CDCP1: variants seen among roughly 807,000 people sequenced by gnomAD.
The protein encoded by CDCP1 is CUB domain containing protein 1.
A neutral mutation model predicts 60.2 loss-of-function variants in CDCP1; 29 were observed. The observed-to-expected ratio is 0.48, with a 90% CI of 0.36 to 0.66. CDCP1 has a LOEUF of 0.66. CDCP1 is among the 30% of genes least tolerant of loss of function. CDCP1 has a pLI of 0.00. For synonymous variants in CDCP1, 387 were observed against 431.1 expected (o/e 0.90, Z 1.27); for missense variants, 876 against 1,074.3 (o/e 0.82, Z 2.58).
rs1698133975 is a variant in CDCP1, at chr3:45,083,337, A to G, written c.*2301T>C. On this transcript the variant is annotated 3_prime_UTR_variant, in exon 9 of 9. Transcript: ENST00000296129. ...GCCAAGGGCATGACTTAAATATCCT[A>G]TCCTCTGGAAAGTGTTCAAGAGGTC... is the stretch of plus-strand genomic sequence containing the variant. 1 of 152,222 alleles carries G rather than the reference A, an allele frequency of 6.6e-6. No individual in the cohort carries two copies. The highest frequency in any genetic ancestry group is 1.5e-5 in the Non-Finnish European group (1 of 68,038). The allele number at this position is 152,222 out of a possible 1,614,324, so 9.4% of individuals were successfully genotyped here.
rs1446707222 is a variant in CDCP1 at position 45,110,510 on chromosome 3, C to T, written c.987G>A (p.Gln329=). 6.2e-7 allele frequency: 1 copy of T among 1,614,220 alleles called. No homozygotes were observed. Among genetic ancestry groups the T allele is most frequent in the Admixed American group, 1.7e-5 (1 of 60,026 alleles). The part of the protein sequence containing the change: ...DAQSPGILRL[Q]FQVLVQHPQN... ...GTGGATGTTGGACCAAAACTTGGAACTGCAGCCGGAGGATCCCTGGACTTT... is the reference window on the plus strand; with the variant it reads ...GTGGATGTTGGACCAAAACTTGGAATTGCAGCCGGAGGATCCCTGGACTTT... Residue 329 remains glutamine (Q), a synonymous_variant, in exon 4 of 9, where the codon CAG becomes CAA. Coordinates refer to ENST00000296129, the MANE Select transcript of CDCP1 (RefSeq NM_022842.5).
At chr3:45,132,162 G>A (rs564881157) in intron 1 of CDCP1, among the ~76,000 whole-genome samples, 3 of 151,802 alleles carry the variant, frequency 2.0e-5, no homozygotes, top group South Asian at 2.1e-4. Context: ...CTTGAGCCCC[G>A]GAGGCAGAGG....
intron 4 of CDCP1, among the ~76,000 whole-genome samples, chr3:45,105,644 A>G (rs537421529): frequency 6.6e-6 from 1 of 152,362 alleles, no homozygotes; most frequent in Non-Finnish European, 1.5e-5. Context: ...CTAGTAGGCT[A>G]GAAGGCTCTC....
intron 2 of CDCP1, among the ~76,000 whole-genome samples, chr3:45,114,566 T>G (rs1698753741): frequency 6.6e-6 from 1 of 152,020 alleles, no homozygotes; most frequent in Non-Finnish European, 1.5e-5. Flanking sequence ...AGGTGTGTGC[T>G]GCCATGCCTG....
At chr3:45,112,665 CCTTGAACCAGAA>C in intron 2 of CDCP1, among the ~76,000 whole-genome samples, 1 of 152,206 alleles carries the variant, frequency 6.6e-6, no homozygotes, top group Admixed American at 6.5e-5. Flanking sequence ...GGGGGAGCTG[CCTTGAACCAGAA>C]AAGCCTGAGA....
intron 4 of CDCP1, among the ~76,000 whole-genome samples, chr3:45,108,216 A>G (rs5007171): frequency 0.25 from 37,840 of 151,964 alleles, 5,473 homozygotes; most frequent in East Asian, 0.58. Flanking sequence ...TAGGGTCCAC[A>G]TAGAGGTTCA....
chr3:45,122,024 A>G (rs1396596166), intron 1 of CDCP1, among the ~76,000 whole-genome samples: 1 of 152,202 alleles, frequency 6.6e-6, no homozygotes, highest in Non-Finnish European at 1.5e-5. Flanking sequence ...AGCTGATCTC[A>G]CCAAAATCTC....
chr3:45,104,602 G>A (rs1469675848), intron 4 of CDCP1, among the ~76,000 whole-genome samples: 1 of 152,186 alleles, frequency 6.6e-6, no homozygotes, highest in Non-Finnish European at 1.5e-5. Context: ...ACAACATGGG[G>A]GGAAGGAGGA....
intron 2 of CDCP1, among the ~76,000 whole-genome samples, chr3:45,115,406 AGT>A (rs1490737343): frequency 6.6e-6 from 1 of 152,168 alleles, no homozygotes; most frequent in East Asian, 1.9e-4. Flanking sequence ...CATGTATGTA[AGT>A]GTGCATGTGC....
intron 1 of CDCP1, among the ~76,000 whole-genome samples, chr3:45,137,374 G>A (rs980541820): frequency 2.0e-5 from 3 of 152,176 alleles, no homozygotes; most frequent in Non-Finnish European, 4.4e-5. Flanking sequence ...AGTATTCCAG[G>A]TTCCTGCCTG....
rs776178232 is a variant in CDCP1, at chr3:45,118,641, T to C, written c.83-20A>G. The C allele has an allele frequency of 1.2e-6, 2 of 1,607,590 alleles. No homozygotes were observed. Among genetic ancestry groups the C allele is most frequent in the South Asian group, 1.1e-5 (1 of 90,938 alleles). Reference sequence around the variant, plus strand: ...AAGCTTCTGAAGGAAGGAAGGAAAATGAAGTAAGCAGGATGATTTAGGTCT... The same window carrying C: ...AAGCTTCTGAAGGAAGGAAGGAAAACGAAGTAAGCAGGATGATTTAGGTCT... On this transcript the variant is annotated intron_variant, in intron 1 of 8. Transcript: ENST00000296129.
chr3:45,127,945 T>C (rs1699030564), intron 1 of CDCP1, among the ~76,000 whole-genome samples: 1 of 152,090 alleles, frequency 6.6e-6, no homozygotes, highest in Non-Finnish European at 1.5e-5. Context: ...GAGAAAGGGA[T>C]GGGTGGCAGG....
chr3:45,087,567 C>T (rs1440831683), intron 8 of CDCP1, among the ~76,000 whole-genome samples: 1 of 152,162 alleles, frequency 6.6e-6, no homozygotes. Context: ...TCCTTAAAAG[C>T]AGTCCTTTTT....
chr3:45,122,212 C>T (rs1322960216), intron 1 of CDCP1, among the ~76,000 whole-genome samples: 2 of 145,280 alleles, frequency 1.4e-5, no homozygotes, highest in African/African-American at 2.6e-5. Flanking sequence ...GGCGCAACCT[C>T]GGCTCACTGC....
chr3:45,125,061 C>T (rs1057132734), intron 1 of CDCP1, among the ~76,000 whole-genome samples: 5 of 152,146 alleles, frequency 3.3e-5, no homozygotes, highest in African/African-American at 4.8e-5. Context: ...GAGGGCTTCA[C>T]AGAAGGCGTA....
At chr3:45,096,433 T>C (rs1698399675) in intron 4 of CDCP1, among the ~76,000 whole-genome samples, 1 of 152,042 alleles carries the variant, frequency 6.6e-6, no homozygotes, top group South Asian at 2.1e-4. Flanking sequence ...AAGACCAGCC[T>C]GGGTAACATG....
Position 45,091,043 on chromosome 3 carries a change from C to T in CDCP1, c.1993+130G>A. 1 of 994,468 alleles carries T rather than the reference C, an allele frequency of 1.0e-6. No homozygotes were observed. The highest frequency in any genetic ancestry group is 1.6e-5 in the African/African-American group (1 of 61,782). The allele number at this position is 994,468 out of a possible 1,614,324, so 61.6% of individuals were successfully genotyped here. A position where few individuals can be genotyped will look rare whatever the true frequency, so the allele number is the denominator to read the frequency against. ...GGTTTGTTACTCAGCACTATTGATG[C>T]AATAGCTGACTGATACATGGACAGT... On this transcript the variant is annotated intron_variant, in intron 7 of 8. Transcript: ENST00000296129. The surrounding 1 kb of genome is among the most constrained non-coding windows in gnomAD (Gnocchi z 4.8).
rs373210468 is a variant in CDCP1 at position 45,146,296 on chromosome 3, G to A, written c.-9C>T. ...CAGTTCAGGCCGGCCATGACTCCGG[G>A]ACGCCTCGGCCTCGGTGGGGAAAAC... is the stretch of plus-strand genomic sequence containing the variant. On this transcript the variant is annotated 5_prime_UTR_variant, in exon 1 of 9. Transcript: ENST00000296129. 79 of 1,565,034 alleles carry A rather than the reference G, an allele frequency of 5.0e-5. No individual in the cohort carries two copies. Among genetic ancestry groups the A allele is most frequent in the Non-Finnish European group, 6.4e-5 (74 of 1,159,898 alleles).
At chr3:45,089,963 A>G (rs781302626) in intron 7 of CDCP1, among the ~76,000 whole-genome samples, 30 of 152,354 alleles carry the variant, frequency 2.0e-4, no homozygotes, top group Admixed American at 7.2e-4. Context: ...TCAGAGGGGG[A>G]ACCCTGTACC....
Sources: gnomAD v4.1 joint callset for allele counts (sites outside exome capture counted in the v4.1 genomes callset) on GRCh38, gnomAD v4.1.1 for gene constraint, Gnocchi (gnomAD v3.1) non-coding constraint, MANE v1.5 for transcripts, NCBI Gene and HGNC (gene_info 2026-07-23, HGNC 2026-07-21) for gene names.